Variants in NCR1 observed in about 807,000 individuals in gnomAD.
The protein encoded by NCR1 is natural cytotoxicity triggering receptor 1, also known as NK cell-activating receptor.
Under a neutral mutation model 32.5 loss-of-function variants are expected in NCR1, and 30 were observed. That is an observed-to-expected ratio of 0.92 (90% CI 0.69 to 1.25). The LOEUF (loss-of-function observed/expected upper bound fraction) is 1.25, where lower values mean the gene tolerates loss of function less well. Ranked by LOEUF, NCR1 falls within the 50% of genes most tolerant of loss-of-function variation. NCR1 has a pLI of 0.00. For missense variants in NCR1, 369 were observed against 380.7 expected, an observed-to-expected ratio of 0.97 and a Z score of 0.26; for synonymous variants, 169 against 143.4, an observed-to-expected ratio of 1.18 and a Z score of -1.28.
downstream of NCR1, among the ~76,000 whole-genome samples, chr19:54,918,574 A>G (rs376271927): frequency 3.0e-4 from 45 of 151,962 alleles, no homozygotes; most frequent in Middle Eastern, 6.8e-3. Flanking sequence ...ACACTGGCCT[A>G]ATGTGTAGTT....
At chr19:54,922,565 G>C in the NCR1 span, among the ~76,000 whole-genome samples, 6 of 151,910 alleles carry the variant, frequency 3.9e-5, no homozygotes, top group African/African-American at 1.5e-4. Flanking sequence ...ATCACCTGAG[G>C]TCAGGAGTCC....
chr19:54,917,661 T>C (rs528844273), downstream of NCR1, among the ~76,000 whole-genome samples: 12 of 152,212 alleles, frequency 7.9e-5, no homozygotes, highest in African/African-American at 2.9e-4. Flanking sequence ...CTGGGTGATT[T>C]TGCTCTCCAC....
At chr19:54,921,589 T>C in the NCR1 span, among the ~76,000 whole-genome samples, 14 of 152,108 alleles carry the variant, frequency 9.2e-5, no homozygotes, top group South Asian at 1.9e-3. Context: ...CTGGCTAACA[T>C]GGTGAAACCT....
At chr19:54,903,473 G>C (rs150278509), upstream of NCR1, among the ~76,000 whole-genome samples, 119,952 of 130,682 alleles carry the variant, frequency 0.92, 55,004 homozygotes, top group African/African-American at 0.97. Context: ...TGTATACACG[G>C]ATACATGTAT....
chr19:54,910,504 G>A (rs1471517558), intron 5 of NCR1, among the ~76,000 whole-genome samples: 1 of 152,138 alleles, frequency 6.6e-6, no homozygotes, highest in Non-Finnish European at 1.5e-5. Flanking sequence ...GGGATGCAGA[G>A]GTTGCAGTGA....
chr19:54,903,341 TAC>T (rs2067341710), upstream of NCR1, among the ~76,000 whole-genome samples: 4 of 116,546 alleles, frequency 3.4e-5, no homozygotes, highest in African/African-American at 1.5e-4. Context: ...TGTATGTATA[TAC>T]ATATATGCAT....
the NCR1 span, chr19:54,923,797 A>G: frequency 6.2e-7 from 1 of 1,613,954 alleles, no homozygotes; most frequent in African/African-American, 1.3e-5. Flanking sequence ...TGCAATCAAT[A>G]GTCAGCTTGG....
At chr19:54,938,115 GA>G in the NCR1 span, 1 of 1,614,078 alleles carries the variant, frequency 6.2e-7, no homozygotes, top group South Asian at 1.1e-5. Flanking sequence ...AGTCACTCAG[GA>G]AGCTTTGTTT....
the NCR1 span, among the ~76,000 whole-genome samples, chr19:54,899,056 G>C: frequency 6.6e-6 from 1 of 152,162 alleles, no homozygotes; most frequent in East Asian, 1.9e-4. Flanking sequence ...TGACGGGACA[G>C]GCGGGAGGGA....
At chr19:54,918,057 CACCATTCTCCTGGG>C (rs899540065), downstream of NCR1, among the ~76,000 whole-genome samples, 2 of 151,254 alleles carry the variant, frequency 1.3e-5, no homozygotes, top group African/African-American at 4.9e-5. Context: ...CCCGGGATCA[CACCATTCTCCTGGG>C]ACTACAGGCG....
rs763668835 is a variant in NCR1 at position 54,906,658 on chromosome 19, T to G, written c.206T>G (p.Val69Gly). 2 of 1,614,226 alleles carry G rather than the reference T, an allele frequency of 1.2e-6. No homozygotes were observed. Residue 69 changes from valine (V) to glycine (G), a missense_variant, in exon 3 of 7, where the codon GTG becomes GGG. By Grantham distance (109) the Val-to-Gly change is moderately radical (BLOSUM62 -3). Coordinates refer to ENST00000291890, the MANE Select transcript of NCR1 (RefSeq NM_004829.7). ...QLHFEGSLFA[V>G]DRPKPPERIN... Reference sequence around the variant, plus strand: ...CACTTTGAAGGAAGCCTTTTTGCCGTGGACAGACCAAAACCCCCTGAGCGG... The same window carrying G: ...CACTTTGAAGGAAGCCTTTTTGCCGGGGACAGACCAAAACCCCCTGAGCGG...
the NCR1 span, chr19:54,936,168 G>A: frequency 4.6e-6 from 5 of 1,093,630 alleles, no homozygotes; most frequent in Non-Finnish European, 7.0e-6. Context: ...GTCTGGGACG[G>A]CATCTGGAGT....
downstream of NCR1, among the ~76,000 whole-genome samples, chr19:54,920,781 C>A (rs1175003823): frequency 1.3e-5 from 2 of 152,190 alleles, no homozygotes; most frequent in African/African-American, 4.8e-5. Context: ...CGCACCATTG[C>A]ACTCCAACCC....
upstream of NCR1, among the ~76,000 whole-genome samples, chr19:54,904,138 AAAAAAG>A (rs1356386578): frequency 3.0e-3 from 421 of 142,034 alleles, 11 homozygotes; most frequent in East Asian, 0.066. Context: ...AAAAAAAAAA[AAAAAAG>A]AAAGAAAAAG....
the NCR1 span, chr19:54,934,687 T>C: frequency 6.3e-7 from 1 of 1,598,990 alleles, no homozygotes; most frequent in Non-Finnish European, 8.5e-7. The surrounding 1 kb of genome is among the most constrained non-coding windows in gnomAD (Gnocchi z 6.7). Flanking sequence ...AAAGTCATTC[T>C]TCTGGGAGGA....
At chr19:54,925,284 CCAA>C in the NCR1 span, among the ~76,000 whole-genome samples, 5 of 152,134 alleles carry the variant, frequency 3.3e-5, no homozygotes, top group South Asian at 2.1e-4. Context: ...CTCGGTCCCA[CCAA>C]CAAGAGAAGC....
At chr19:54,904,527 T>G (rs954575049), upstream of NCR1, among the ~76,000 whole-genome samples, 22 of 147,130 alleles carry the variant, frequency 1.5e-4, no homozygotes, top group African/African-American at 5.3e-4. Context: ...TTTGGTTTTC[T>G]TTTCTTTTTT....
At chr19:54,930,688 A>C in the NCR1 span, 1 of 1,610,196 alleles carries the variant, frequency 6.2e-7, no homozygotes, top group Admixed American at 1.7e-5. Flanking sequence ...TCAAAGGAAG[A>C]GAAGCCTGTT....
the NCR1 span, among the ~76,000 whole-genome samples, chr19:54,924,094 A>T: frequency 6.6e-6 from 1 of 152,050 alleles, no homozygotes; most frequent in East Asian, 1.9e-4. Flanking sequence ...CAGGCTCCTG[A>T]GTAACTGTGA....
Sources: gnomAD v4.1 joint callset for allele counts (sites outside exome capture counted in the v4.1 genomes callset) on GRCh38, gnomAD v4.1.1 for gene constraint, Gnocchi (gnomAD v3.1) non-coding constraint, MANE v1.5 for transcripts, NCBI Gene and HGNC (gene_info 2026-07-23, HGNC 2026-07-21) for gene names.